The following RBFOX1 variants were observed in gnomAD, a reference collection of about 807,000 sequenced individuals.
RBFOX1 encodes RNA binding fox-1 homolog 1.
Under a neutral mutation model 57.7 loss-of-function variants are expected in RBFOX1, and 8 were observed. The observed-to-expected ratio is 0.14, with a 90% confidence interval of 0.08 to 0.25. The LOEUF (loss-of-function observed/expected upper bound fraction) is 0.25, where lower values mean the gene tolerates loss of function less well. Among genes scored for constraint, RBFOX1 ranks in the 10% least tolerant of loss-of-function variants. The probability of loss-of-function intolerance (pLI) is 1.00; values close to 1 mark genes in which losing one functional copy is unlikely to be tolerated. For missense variants in RBFOX1, 611 were observed against 548.5 expected, an observed-to-expected ratio of 1.11 and a Z score of -1.14; for synonymous variants, 326 against 222.4, an observed-to-expected ratio of 1.47 and a Z score of -4.15.
chr16:6,879,171 A>G (rs1233592349), intron 3 of RBFOX1, among the ~76,000 whole-genome samples: 1 of 152,208 alleles, frequency 6.6e-6, no homozygotes, highest in Non-Finnish European at 1.5e-5. Context: ...CTGCAAGAAT[A>G]TCAGCCCTTT....
At chr16:5,364,256 T>G (rs192243909) in intron 1 of RBFOX1, among the ~76,000 whole-genome samples, 2 of 152,316 alleles carry the variant, frequency 1.3e-5, no homozygotes, top group African/African-American at 4.8e-5. Context: ...TGTGCTGGTT[T>G]GAGATGTGAA....
chr16:5,762,386 C>G (rs762950472), intron 3 of RBFOX1, among the ~76,000 whole-genome samples: 4 of 149,682 alleles, frequency 2.7e-5, no homozygotes, highest in Non-Finnish European at 4.4e-5. Context: ...AAAGAAAACT[C>G]AAGTCAGTGT....
chr16:6,107,466 G>A (rs1041569871), intron 1 of RBFOX1, among the ~76,000 whole-genome samples: 34 of 152,074 alleles, frequency 2.2e-4, no homozygotes, highest in African/African-American at 5.5e-4. Flanking sequence ...CGGAGATGTC[G>A]GATGATAAAT....
intron 3 of RBFOX1, among the ~76,000 whole-genome samples, chr16:5,642,155 G>A (rs571408426): frequency 6.6e-6 from 1 of 152,274 alleles, no homozygotes; most frequent in South Asian, 2.1e-4. Context: ...GAGGCCATGT[G>A]CTCATTGAAT....
At chr16:5,998,336 T>A (rs904858929) in intron 4 of RBFOX1, among the ~76,000 whole-genome samples, 4 of 152,188 alleles carry the variant, frequency 2.6e-5, no homozygotes, top group African/African-American at 9.7e-5. Context: ...CTAAAATAGA[T>A]TACACTGACA....
At chr16:5,422,073 G>A (rs1009263259) in intron 1 of RBFOX1, among the ~76,000 whole-genome samples, 2 of 152,166 alleles carry the variant, frequency 1.3e-5, no homozygotes, top group Non-Finnish European at 2.9e-5. Flanking sequence ...AAAACCTGTT[G>A]ACTCAGCCAT....
At chr16:5,838,148 C>T (rs1396524330) in intron 3 of RBFOX1, 1 of 155,422 alleles carries the variant, frequency 6.4e-6, no homozygotes, top group African/African-American at 2.4e-5. Context: ...GAATACAACA[C>T]CAGAATGCTG....
intron 1 of RBFOX1, among the ~76,000 whole-genome samples, chr16:5,453,226 C>T (rs1255200945): frequency 2.0e-5 from 3 of 152,178 alleles, no homozygotes; most frequent in Non-Finnish European, 2.9e-5. Context: ...AGGAAACAGA[C>T]ATGGTCCTTG....
chr16:5,524,277 T>C (rs762398147), intron 2 of RBFOX1, among the ~76,000 whole-genome samples: 12 of 152,300 alleles, frequency 7.9e-5, no homozygotes, highest in Non-Finnish European at 1.3e-4. Flanking sequence ...CGTGCTGTGT[T>C]ACTGGAAGGA....
At position 6,035,089 on chromosome 16, in the gene RBFOX1, C is replaced by T. The variant is rs148603711; in HGVS notation, c.-127+15097C>T. Among the ~76,000 whole-genome samples the T allele has an allele frequency of 2.0e-5, 3 of 152,142 alleles. No homozygotes were observed. The East Asian group carries it at 5.8e-4, about 29-fold the overall frequency. On this transcript the variant is annotated intron_variant, in intron 1 of 15. Transcript: ENST00000550418. ...CACTGTAGGATGTTTAATAGCATCCCTGGCCTCTACCTGCTAGATGTTAGT... is the reference window on the plus strand; with the variant it reads ...CACTGTAGGATGTTTAATAGCATCCTTGGCCTCTACCTGCTAGATGTTAGT...
At chr16:6,867,799 G>C (rs1198002888) in intron 3 of RBFOX1, among the ~76,000 whole-genome samples, 2 of 152,154 alleles carry the variant, frequency 1.3e-5, no homozygotes, top group African/African-American at 4.8e-5. Flanking sequence ...CTCAGAACAA[G>C]TCCTGTTTAT....
chr16:6,924,900 A>G (rs552461638), intron 3 of RBFOX1, among the ~76,000 whole-genome samples: 5 of 130,510 alleles, frequency 3.8e-5, no homozygotes, highest in Admixed American at 2.9e-4. Context: ...ATGTGTTCTC[A>G]TTGTTCAATT....
chr16:7,671,032 C>T lies in RBFOX1; in HGVS notation c.931-5742C>T, dbSNP rs2071264104. ...GTCTGAAAGTATTAAAAGGAGCCAT[C>T]GTAGCTTCAGTGTAATTCATGAATT... On this transcript the variant is annotated intron_variant, in intron 13 of 15. Coordinates refer to ENST00000550418, the MANE Select transcript of RBFOX1 (RefSeq NM_018723.4). 2.6e-5 allele frequency among the ~76,000 whole-genome samples: 4 copies of T among 152,128 alleles called. 1 individual carries two copies. The South Asian group carries it at 6.2e-4, about 24-fold the overall frequency.
chr16:5,451,762 A>C (rs924209245), intron 1 of RBFOX1, among the ~76,000 whole-genome samples: 5 of 152,050 alleles, frequency 3.3e-5, no homozygotes, highest in Non-Finnish European at 5.9e-5. Context: ...CAGCTCATTC[A>C]TTCCGCTCTT....
intron 1 of RBFOX1, among the ~76,000 whole-genome samples, chr16:5,401,792 C>CTCT (rs1491473324): frequency 7.0e-6 from 1 of 142,852 alleles, no homozygotes; most frequent in East Asian, 2.2e-4. Flanking sequence ...CCTCCTCCTC[C>CTCT]TCTTTCTCCT....
chr16:6,748,365 G>T (rs2074221287), intron 3 of RBFOX1, among the ~76,000 whole-genome samples: 3 of 152,006 alleles, frequency 2.0e-5, no homozygotes, highest in Admixed American at 2.0e-4. Flanking sequence ...GTATGTATGA[G>T]CACAAATTAT....
chr16:7,213,847 G>C (rs2091576683), intron 4 of RBFOX1, among the ~76,000 whole-genome samples: 1 of 152,150 alleles, frequency 6.6e-6, no homozygotes, highest in African/African-American at 2.4e-5. Flanking sequence ...GGTTGAAAAA[G>C]TCCTGCCCAG....
intron 4 of RBFOX1, among the ~76,000 whole-genome samples, chr16:7,196,391 A>G (rs916369438): frequency 2.0e-5 from 3 of 152,006 alleles, no homozygotes; most frequent in African/African-American, 7.2e-5. Context: ...CCCATTTGCC[A>G]CTGACTTGCT....
intron 4 of RBFOX1, among the ~76,000 whole-genome samples, chr16:7,311,490 T>TTC (rs2096307222): frequency 6.6e-6 from 1 of 150,476 alleles, no homozygotes; most frequent in South Asian, 2.1e-4. Flanking sequence ...TTTTTTTTTT[T>TTC]TTTTTTGGCA....
Sources: gnomAD v4.1 joint callset for allele counts (sites outside exome capture counted in the v4.1 genomes callset) on GRCh38, gnomAD v4.1.1 for gene constraint, MANE v1.5 for transcripts, NCBI Gene and HGNC (gene_info 2026-07-23, HGNC 2026-07-21) for gene names.